SKAP1: variants seen among roughly 807,000 people sequenced by gnomAD.
SKAP1 encodes src kinase-associated phosphoprotein 1.
A neutral mutation model predicts 58.5 loss-of-function variants in SKAP1; 44 were observed. That is an observed-to-expected ratio of 0.75 (90% confidence interval 0.59 to 0.97). The LOEUF is 0.97. Ranked by LOEUF, SKAP1 falls within the 50% of genes least tolerant of loss-of-function variation. The pLI is 0.00. For synonymous variants in SKAP1, 127 were observed against 149.7 expected (o/e 0.85, Z 1.11); for missense variants, 390 against 435.2 (o/e 0.90, Z 0.92).
intron 4 of SKAP1, among the ~76,000 whole-genome samples, chr17:48,304,985 G>A (rs2066116879): frequency 2.0e-5 from 3 of 152,030 alleles, no homozygotes; most frequent in Admixed American, 6.5e-5. Flanking sequence ...TGTATATTGA[G>A]AGGCAATATA....
chr17:48,179,862 C>T (rs2064344246), intron 9 of SKAP1, among the ~76,000 whole-genome samples, 192 bp downstream of exon 9: 1 of 152,194 alleles, frequency 6.6e-6, no homozygotes, highest in Admixed American at 6.5e-5. Context: ...TAATCAAATT[C>T]TTCTTGCTCC....
chr17:48,199,955 G>C (rs1322551750), intron 4 of SKAP1, among the ~76,000 whole-genome samples: 16 of 152,018 alleles, frequency 1.1e-4, no homozygotes, highest in Admixed American at 1.0e-3. Flanking sequence ...GATGGGCCAG[G>C]GTTTTCATGG....
chr17:48,254,714 G>C (rs1257180544), intron 4 of SKAP1, among the ~76,000 whole-genome samples: 3 of 150,492 alleles, frequency 2.0e-5, no homozygotes, highest in African/African-American at 7.4e-5. Flanking sequence ...TAGAAGAAAA[G>C]TAGATTTATT....
chr17:48,165,490 T>A (rs1232277296), intron 10 of SKAP1, among the ~76,000 whole-genome samples: 1 of 151,430 alleles, frequency 6.6e-6, no homozygotes, highest in Non-Finnish European at 1.5e-5. Flanking sequence ...AACCTCTGCC[T>A]CCTGGGTTCA....
chr17:48,190,144 T>G lies in SKAP1; in HGVS notation c.281-644A>C, dbSNP rs1393289666. Among the ~76,000 whole-genome samples, 4 of 151,306 alleles carry G rather than the reference T, an allele frequency of 2.6e-5. No individual in the cohort carries two copies. The East Asian group carries it at 7.8e-4, about 30-fold the overall frequency. On this transcript the variant is annotated intron_variant, in intron 4 of 12. Transcript: ENST00000336915. ...TTTTTTTTGAGACAGTCTGTCTCTGTTGCCCAGGCTGGAGTGCAGTGGCGC... is the reference window on the plus strand; with the variant it reads ...TTTTTTTTGAGACAGTCTGTCTCTGGTGCCCAGGCTGGAGTGCAGTGGCGC...
At chr17:48,257,051 C>A (rs1381850002) in intron 4 of SKAP1, among the ~76,000 whole-genome samples, 2 of 152,070 alleles carry the variant, frequency 1.3e-5, no homozygotes, top group Non-Finnish European at 2.9e-5. Context: ...GATGAAAAAA[C>A]ACACAATGTT....
the SKAP1 span, among the ~76,000 whole-genome samples, chr17:48,444,191 C>T: frequency 7.4e-4 from 85 of 114,912 alleles, no homozygotes; most frequent in African/African-American, 2.2e-3. Flanking sequence ...GTCAGGGGTT[C>T]GAGACCAGCT....
intron 10 of SKAP1, among the ~76,000 whole-genome samples, chr17:48,169,138 A>T (rs938571254): frequency 4.6e-5 from 7 of 151,838 alleles, no homozygotes; most frequent in Non-Finnish European, 8.8e-5. Flanking sequence ...TACTTGAATT[A>T]TAGCTGTAGG....
At chr17:48,253,535 A>G (rs1191217763) in intron 4 of SKAP1, among the ~76,000 whole-genome samples, 1 of 152,154 alleles carries the variant, frequency 6.6e-6, no homozygotes, top group Non-Finnish European at 1.5e-5. Flanking sequence ...TAGAGATATT[A>G]TGGTTGTTGT....
intron 1 of SKAP1, among the ~76,000 whole-genome samples, chr17:48,419,995 T>C (rs2067776016): frequency 6.6e-6 from 1 of 152,158 alleles, no homozygotes; most frequent in Non-Finnish European, 1.5e-5. Context: ...TGCTGGATAC[T>C]AAAATTAAGC....
chr17:48,409,667 C>CA (rs35629210), intron 1 of SKAP1, among the ~76,000 whole-genome samples: 12,034 of 94,382 alleles, frequency 0.13, 650 homozygotes, highest in East Asian at 0.26. Flanking sequence ...GATCCTGTCT[C>CA]AAAAAAAAAA....
intron 4 of SKAP1, among the ~76,000 whole-genome samples, chr17:48,326,720 T>C (rs2066441613): frequency 6.6e-6 from 1 of 152,168 alleles, no homozygotes. Context: ...CACTGGTTTT[T>C]CTAGATTATT....
intron 4 of SKAP1, among the ~76,000 whole-genome samples, chr17:48,210,970 T>A (rs1042061799): frequency 6.6e-6 from 1 of 152,102 alleles, no homozygotes; most frequent in Non-Finnish European, 1.5e-5. Flanking sequence ...ATAGAGGCCT[T>A]AACAAAATAG....
At chr17:48,150,684 C>T (rs920766620) in intron 11 of SKAP1, among the ~76,000 whole-genome samples, 1 of 151,982 alleles carries the variant, frequency 6.6e-6, no homozygotes, top group Non-Finnish European at 1.5e-5. Context: ...ATGGTGGGTG[C>T]GTATAAGATA....
chr17:48,364,513 A>G (rs2066977898), intron 2 of SKAP1, among the ~76,000 whole-genome samples: 1 of 152,114 alleles, frequency 6.6e-6, no homozygotes, highest in Non-Finnish European at 1.5e-5. Context: ...TGTCTCTACT[A>G]AAAATATAAA....
At chr17:48,261,910 C>G (rs2065490137) in intron 4 of SKAP1, among the ~76,000 whole-genome samples, 1 of 152,184 alleles carries the variant, frequency 6.6e-6, no homozygotes, top group African/African-American at 2.4e-5. Context: ...GTCATTCTTC[C>G]TCTTGGAAAG....
At chr17:48,323,403 ACT>A (rs2066393960) in intron 4 of SKAP1, among the ~76,000 whole-genome samples, 1 of 152,198 alleles carries the variant, frequency 6.6e-6, no homozygotes, top group African/African-American at 2.4e-5. Flanking sequence ...GATTATGGAA[ACT>A]CAACAATTAA....
chr17:48,263,930 A>G (rs1167962745), intron 4 of SKAP1, among the ~76,000 whole-genome samples: 1 of 152,142 alleles, frequency 6.6e-6, no homozygotes. Context: ...AGAGCAAACG[A>G]GAGTGTCTGA....
At chr17:48,396,299 A>G (rs1269745625) in intron 2 of SKAP1, among the ~76,000 whole-genome samples, 2 of 152,220 alleles carry the variant, frequency 1.3e-5, no homozygotes, top group Non-Finnish European at 2.9e-5. Context: ...TGGAAGTAAA[A>G]TCAGTACCAA....
Sources: gnomAD v4.1 joint callset for allele counts (sites outside exome capture counted in the v4.1 genomes callset) on GRCh38, gnomAD v4.1.1 for gene constraint, MANE v1.5 for transcripts, NCBI Gene and HGNC (gene_info 2026-07-23, HGNC 2026-07-21) for gene names.